Variants in VAV2 observed in about 807,000 individuals in gnomAD.
VAV2 encodes vav guanine nucleotide exchange factor 2, also known as guanine nucleotide exchange factor VAV2.
VAV2 carries 67 observed loss-of-function variants against 132.5 expected under a neutral mutation model. That is an observed-to-expected ratio of 0.51 (90% confidence interval 0.42 to 0.62). The LOEUF (loss-of-function observed/expected upper bound fraction) is 0.62, where lower values mean the gene tolerates loss of function less well. Among genes scored for constraint, VAV2 ranks in the 20% least tolerant of loss-of-function variants. The pLI, the probability that VAV2 is intolerant of heterozygous loss-of-function variation, is 0.00. For missense variants in VAV2, 938 were observed against 1,153.6 expected (o/e 0.81, Z 2.71); for synonymous variants, 492 against 443.5 (o/e 1.11, Z -1.37).
intron 1 of VAV2, among the ~76,000 whole-genome samples, chr9:133,944,891 C>T (rs1278496623): frequency 6.6e-6 from 1 of 152,310 alleles, no homozygotes; most frequent in Non-Finnish European, 1.5e-5. Flanking sequence ...GGCAAGTCTC[C>T]TCATGTGCAC....
rs911258799 is a variant in VAV2, at chr9:133,928,560, G to A, written c.321+10543C>T. ...GCATCTCAGAGTCATCAGACCGACTGGCAGAAAGGCCTCGGGTGAGCACAG... is the reference window on the plus strand; with the variant it reads ...GCATCTCAGAGTCATCAGACCGACTAGCAGAAAGGCCTCGGGTGAGCACAG... On this transcript the variant is annotated intron_variant, in intron 2 of 29. Transcript: ENST00000371850. The surrounding 1 kb of genome is among the most constrained non-coding windows in gnomAD (Gnocchi z 5.4). 4.6e-5 allele frequency among the ~76,000 whole-genome samples: 7 copies of A among 152,194 alleles called. No individual in the cohort carries two copies. The highest frequency in any genetic ancestry group is 1.4e-4 in the African/African-American group (6 of 41,434).
intron 2 of VAV2, among the ~76,000 whole-genome samples, chr9:133,891,896 T>G (rs1289346602): frequency 2.9e-4 from 18 of 63,052 alleles, no homozygotes; most frequent in South Asian, 4.9e-4. Context: ...TTGGGAGAGG[T>G]GGGGATAGAG....
intron 3 of VAV2, among the ~76,000 whole-genome samples, chr9:133,847,910 T>C (rs1377359632): frequency 4.6e-5 from 7 of 152,174 alleles, no homozygotes; most frequent in African/African-American, 1.7e-4. Flanking sequence ...AAAACCGTGC[T>C]GATCACTAAC....
rs1837684648 is a variant in VAV2 at position 133,863,587 on chromosome 9, C to T, written c.322-2155G>A. Among the ~76,000 whole-genome samples, 1 of 152,172 alleles carries T rather than the reference C, an allele frequency of 6.6e-6. No homozygotes were observed. The highest frequency in any genetic ancestry group is 1.5e-5 in the Non-Finnish European group (1 of 68,030). ...AGCAGCCTCAGCCCCAAGCTTGGGG[C>T]GCTTTGCCCCAGGATGAACGTGTCA... is the stretch of plus-strand genomic sequence containing the variant. On this transcript the variant is annotated intron_variant, in intron 2 of 29. Transcript: ENST00000371850. The surrounding 1 kb of genome is among the most constrained non-coding windows in gnomAD (Gnocchi z 5.0).
chr9:133,844,141 C>T (rs1223816417), intron 3 of VAV2, among the ~76,000 whole-genome samples: 1 of 152,230 alleles, frequency 6.6e-6, no homozygotes, highest in Non-Finnish European at 1.5e-5. Flanking sequence ...CCTGCCCCCT[C>T]TACTTTGTCT....
chr9:133,780,045 G>T (rs1181403700), intron 20 of VAV2, 106 bp from the exon 21 acceptor site: 1 of 1,496,120 alleles, frequency 6.7e-7, no homozygotes, highest in Non-Finnish European at 9.2e-7. Flanking sequence ...TTCCTAGATA[G>T]AGGGGTCAAG....
Position 133,951,107 on chromosome 9 carries a change from C to CT in VAV2, c.205-11889dup, listed in dbSNP as rs1435079422. 6.6e-5 allele frequency among the ~76,000 whole-genome samples: 10 copies of CT among 152,322 alleles called. No individual in the cohort carries two copies. The South Asian group carries it at 2.1e-3, about 32-fold the overall frequency. On this transcript the variant is annotated intron_variant, in intron 1 of 29. Transcript: ENST00000371850. ...TTGAAGGAAAAATGCAACCGCAGCA[C>CT]TAGAGAGCTTCCCAAGCAGGGGGGT...
At chr9:133,828,768 G>T (rs1836150499) in intron 4 of VAV2, among the ~76,000 whole-genome samples, 1 of 152,186 alleles carries the variant, frequency 6.6e-6, no homozygotes, top group African/African-American at 2.4e-5. Flanking sequence ...CAATACGCTG[G>T]ACTTGCGCTG....
chr9:133,798,236 C>G (rs1834799197), intron 9 of VAV2, among the ~76,000 whole-genome samples: 1 of 152,228 alleles, frequency 6.6e-6, no homozygotes, highest in Non-Finnish European at 1.5e-5. Flanking sequence ...TGCACTGGCT[C>G]AGGGCTCACC....
Position 133,787,254 on chromosome 9 carries a change from C to T in VAV2, c.1414G>A (p.Gly472Arg), listed in dbSNP as rs935532382. The change falls in exon 16 of 30, where the codon GGG (glycine) becomes AGG (arginine). Residue 472 changes from glycine to arginine, a missense_variant. Physicochemically the swap from Gly to Arg is moderately radical, Grantham distance 125. Transcript: ENST00000371850. Reference sequence around the variant, plus strand: ...GGGCGCTAGGTGCTTACCATTTTCCCGTGAGACTAGGAAGCATGGAGAGGA... The same window carrying T: ...GGGCGCTAGGTGCTTACCATTTTCCTGTGAGACTAGGAAGCATGGAGAGGA... ...MNNKDVKKSH[G>R]KMWSYGFYLI... is the part of the protein sequence containing the mutation. 1.9e-6 allele frequency: 3 copies of T among 1,586,228 alleles called. No individual in the cohort carries two copies. Among genetic ancestry groups the T allele is most frequent in the Non-Finnish European group, 2.6e-6 (3 of 1,163,836 alleles).
chr9:133,949,149 C>T (rs1427880496), intron 1 of VAV2, among the ~76,000 whole-genome samples: 3 of 152,148 alleles, frequency 2.0e-5, no homozygotes, highest in Admixed American at 6.5e-5. Context: ...ACTACCAAAA[C>T]GCGACTCACA....
At chr9:133,968,201 G>A (rs1335055889) in intron 1 of VAV2, among the ~76,000 whole-genome samples, 1 of 152,114 alleles carries the variant, frequency 6.6e-6, no homozygotes, top group Non-Finnish European at 1.5e-5. Flanking sequence ...GAGAGGACGT[G>A]AAATGTTCCC....
chr9:133,903,540 T>C (rs1213831517), intron 2 of VAV2, among the ~76,000 whole-genome samples: 1 of 152,000 alleles, frequency 6.6e-6, no homozygotes, highest in East Asian at 1.9e-4. Flanking sequence ...TTAGAAAATA[T>C]GGGGGTGGGG....
At position 133,824,588 on chromosome 9, in the gene VAV2, G is replaced by C. The variant is rs1035765978; in HGVS notation, c.449+9684C>G. Among the ~76,000 whole-genome samples the C allele has an allele frequency of 1.3e-5, 2 of 152,156 alleles. No homozygotes were observed. Among genetic ancestry groups the C allele is most frequent in the Non-Finnish European group, 2.9e-5 (2 of 68,004 alleles). ...CTCCAGGAAGGCTTCCTGCCCTCCT[G>C]GCTTGTCAGGGTCTGCCCCCAGAGG... On this transcript the variant is annotated intron_variant, in intron 4 of 29. Coordinates refer to ENST00000371850, the MANE Select transcript of VAV2 (RefSeq NM_001134398.2). The surrounding 1 kb of genome is among the most constrained non-coding windows in gnomAD (Gnocchi z 5.2).
intron 2 of VAV2, among the ~76,000 whole-genome samples, chr9:133,901,905 C>T (rs1028495354): frequency 2.6e-5 from 4 of 152,210 alleles, no homozygotes; most frequent in Non-Finnish European, 4.4e-5. Context: ...AGGACAGCTG[C>T]GCTCCAGAGG....
At chr9:133,966,810 AGAT>A (rs1176310329) in intron 1 of VAV2, among the ~76,000 whole-genome samples, 1 of 152,172 alleles carries the variant, frequency 6.6e-6, no homozygotes, top group African/African-American at 2.4e-5. Flanking sequence ...CGTGGCGGGC[AGAT>A]CACTTGAGGT....
chr9:133,833,810 G>A lies in VAV2; in HGVS notation c.449+462C>T, dbSNP rs753869733. ...CCACCGAGGCAGGGCAGTGCCTGCC[G>A]GGCCACGTGTTAACCCCGAGCCCAC... On this transcript the variant is annotated intron_variant, in intron 4 of 29. Transcript: ENST00000371850. The surrounding 1 kb of genome is among the most constrained non-coding windows in gnomAD (Gnocchi z 5.6). 4.6e-5 allele frequency among the ~76,000 whole-genome samples: 7 copies of A among 151,786 alleles called. No individual in the cohort carries two copies. Among genetic ancestry groups the A allele is most frequent in the Non-Finnish European group, 7.4e-5 (5 of 67,896 alleles).
At chr9:133,896,422 C>A (rs1839207498) in intron 2 of VAV2, among the ~76,000 whole-genome samples, 1 of 152,046 alleles carries the variant, frequency 6.6e-6, no homozygotes, top group Non-Finnish European at 1.5e-5. Flanking sequence ...CCATTGCACT[C>A]CAGCCTGGGC....
chr9:133,806,317 C>T, intron 8 of VAV2, 136 bp from the exon 9 acceptor site: 2 of 695,058 alleles, frequency 2.9e-6, no homozygotes, highest in Non-Finnish European at 4.9e-6. Context: ...CTGCACCCCA[C>T]ATCTCTGTGC....
Sources: gnomAD v4.1 joint callset for allele counts (sites outside exome capture counted in the v4.1 genomes callset) on GRCh38, gnomAD v4.1.1 for gene constraint, Gnocchi (gnomAD v3.1) non-coding constraint, MANE v1.5 for transcripts, NCBI Gene and HGNC (gene_info 2026-07-23, HGNC 2026-07-21) for gene names.